RNF5: variants seen among roughly 807,000 people sequenced by gnomAD.
RNF5 encodes the protein E3 ubiquitin-protein ligase RNF5.
RNF5 carries 16 observed loss-of-function variants against 24.4 expected under a neutral mutation model. The observed-to-expected ratio is 0.66, with a 90% CI of 0.44 to 1.00. RNF5 has a LOEUF of 1.00. RNF5 is among the 50% of genes least tolerant of loss of function. The pLI is 0.00. For missense variants in RNF5, 185 were observed against 236.7 expected, an observed-to-expected ratio of 0.78 and a Z score of 1.43; for synonymous variants, 64 against 88.5, an observed-to-expected ratio of 0.72 and a Z score of 1.55.
chr6:32,178,407 A>C lies in RNF5; in HGVS notation c.-105A>C. ...ACCAATAGTGATTAGGAAACCTTGA[A>C]GCCTGCCCAACGATCGTGGGCAGGA... On this transcript the variant is annotated 5_prime_UTR_variant, in exon 1 of 6. Transcript: ENST00000375094. 1 of 920,766 alleles carries C rather than the reference A, an allele frequency of 1.1e-6. No individual in the cohort carries two copies. The highest frequency in any genetic ancestry group is 1.6e-6 in the Non-Finnish European group (1 of 628,282). 57.0% of individuals were successfully genotyped at this position (920,766 alleles called of 1,614,324 possible).
Position 32,179,686 on chromosome 6 carries a change from AGTAT to A in RNF5, c.199_202del (p.Cys67LysfsTer25). On this transcript the variant is annotated frameshift_variant, in exon 3 of 6. Coordinates refer to ENST00000375094, the MANE Select transcript of RNF5 (RefSeq NM_006913.4). LOFTEE classifies it high-confidence loss of function. This position sits in a 1 kb window ranked among gnomAD's most constrained non-coding sequence, Gnocchi z 5.4. ...CACGGCCAGAACGGCAAGAGTGTCC[AGTAT>A]GTAAAGCTGGGATCAGCAGAGAGAA... 1 of 1,614,134 alleles carries A rather than the reference AGTAT, an allele frequency of 6.2e-7. No individual in the cohort carries two copies. Among genetic ancestry groups the A allele is most frequent in the Non-Finnish European group, 8.5e-7 (1 of 1,180,016 alleles).
chr6:32,179,022 G>T lies in RNF5; in HGVS notation c.140+371G>T, dbSNP rs1158589990. ...AGGCACGCATCAGTTGAGTCGGGGAGAACCAGGAAATATGGATCACATTCA... is the reference window on the plus strand; with the variant it reads ...AGGCACGCATCAGTTGAGTCGGGGATAACCAGGAAATATGGATCACATTCA... On this transcript the variant is annotated intron_variant, in intron 1 of 5. Transcript: ENST00000375094. The surrounding 1 kb of genome is among the most constrained non-coding windows in gnomAD (Gnocchi z 5.4). 6.6e-6 allele frequency among the ~76,000 whole-genome samples: 1 copy of T among 152,140 alleles called. No homozygotes were observed. Among genetic ancestry groups the T allele is most frequent in the Non-Finnish European group, 1.5e-5 (1 of 68,014 alleles).
rs1251999377 is a variant in RNF5, at chr6:32,179,051, G to C, written c.140+400G>C. On this transcript the variant is annotated intron_variant, in intron 1 of 5. Coordinates refer to ENST00000375094, the MANE Select transcript of RNF5 (RefSeq NM_006913.4). This position sits in a 1 kb window ranked among gnomAD's most constrained non-coding sequence, Gnocchi z 5.4. ...CAGGAAATATGGATCACATTCAGAT[G>C]AGATCTGGGAGGGGGCTGGTATAAG... Among the ~76,000 whole-genome samples the C allele has an allele frequency of 1.3e-5, 2 of 152,124 alleles. No individual in the cohort carries two copies. Among genetic ancestry groups the C allele is most frequent in the South Asian group, 4.1e-4 (2 of 4,830 alleles).
chr6:32,179,435 AGGTT>A lies in RNF5; in HGVS notation c.141-104_141-101del. ...TGCAGAAAATCTGAAAAGCAACAGC[AGGTT>A]GCTTGGGAAGAGGGGTTAGATGGGA... is the stretch of plus-strand genomic sequence containing the variant. On this transcript the variant is annotated intron_variant, in intron 1 of 5. Coordinates refer to ENST00000375094, the MANE Select transcript of RNF5 (RefSeq NM_006913.4). The surrounding 1 kb of genome is among the most constrained non-coding windows in gnomAD (Gnocchi z 5.4). 1 of 1,369,946 alleles carries A rather than the reference AGGTT, an allele frequency of 7.3e-7. No individual in the cohort carries two copies. Among genetic ancestry groups the A allele is most frequent in the Non-Finnish European group, 1.0e-6 (1 of 967,314 alleles). The allele number at this position is 1,369,946 out of a possible 1,614,324, so 84.9% of individuals were successfully genotyped here.
At position 32,179,946 on chromosome 6, in the gene RNF5, C is replaced by A; in HGVS notation, c.327+15C>A. ...AGAGCAGAGGGGTGAGTCTTCTTGT[C>A]CAGTTGTGTCCCTTCCTTGACAGAT... On this transcript the variant is annotated intron_variant, in intron 4 of 5. Transcript: ENST00000375094. This position sits in a 1 kb window ranked among gnomAD's most constrained non-coding sequence, Gnocchi z 5.4. 1 of 1,614,198 alleles carries A rather than the reference C, an allele frequency of 6.2e-7. No individual in the cohort carries two copies. The highest frequency in any genetic ancestry group is 8.5e-7 in the Non-Finnish European group (1 of 1,180,016).
rs2127431207 is a variant in RNF5 at position 32,180,718 on chromosome 6, T to C, written c.*392T>C. 1 of 345,022 alleles carries C rather than the reference T, an allele frequency of 2.9e-6. No individual in the cohort carries two copies. Among genetic ancestry groups the C allele is most frequent in the East Asian group, 5.1e-5 (1 of 19,664 alleles). The allele number at this position is 345,022 out of a possible 1,614,324, so 21.4% of individuals were successfully genotyped here. ...ATTTTTCACTCCCCAGAGTCTAATA[T>C]GGATTCTGACTCTTAAGTGCTTCCG... On this transcript the variant is annotated 3_prime_UTR_variant, in exon 6 of 6. Transcript: ENST00000375094.
intron 1 of RNF5, among the ~76,000 whole-genome samples, chr6:32,178,913 T>C (rs1456676403): frequency 6.6e-6 from 1 of 151,790 alleles, no homozygotes; most frequent in Non-Finnish European, 1.5e-5. Context: ...GGCAGGACAA[T>C]GTGAGACCCG....
chr6:32,180,739 T>C lies in RNF5; in HGVS notation c.*413T>C. 1 of 336,374 alleles carries C rather than the reference T, an allele frequency of 3.0e-6. No homozygotes were observed. Among genetic ancestry groups the C allele is most frequent in the South Asian group, 6.2e-5 (1 of 16,150 alleles). The allele number at this position is 336,374 out of a possible 1,614,324, so 20.8% of individuals were successfully genotyped here. A position where few individuals can be genotyped will look rare whatever the true frequency, so the allele number is the denominator to read the frequency against. On this transcript the variant is annotated 3_prime_UTR_variant, in exon 6 of 6. Transcript: ENST00000375094. ...AATATGGATTCTGACTCTTAAGTGC[T>C]TCCGCCCCCTCACTACCTCCTTTAA...
chr6:32,178,684 G>A, intron 1 of RNF5, 33 bp downstream of exon 1: 1 of 1,603,028 alleles, frequency 6.2e-7, no homozygotes, highest in Non-Finnish European at 8.5e-7. Flanking sequence ...GGAGGTGGTG[G>A]GTCTCGCTTA....
In RNF5 at chr6:32,179,514, C is replaced by CTTTTT; in HGVS notation, c.141-18_141-14dup. On this transcript the variant is annotated intron_variant, in intron 1 of 5. Transcript: ENST00000375094. This position sits in a 1 kb window ranked among gnomAD's most constrained non-coding sequence, Gnocchi z 5.4. Reference sequence around the variant, plus strand: ...CTCTCTTTTCTGTAGCTAGTTTGACCTTTTTTTTTTTTTCTCCCCCATCCA... The same window carrying CTTTTT: ...CTCTCTTTTCTGTAGCTAGTTTGACCTTTTTTTTTTTTTTTTTTCTCCCCCATCCA... 2 of 1,395,780 alleles carry CTTTTT rather than the reference C, an allele frequency of 1.4e-6. No individual in the cohort carries two copies. Among genetic ancestry groups the CTTTTT allele is most frequent in the Admixed American group, 1.8e-5 (1 of 56,572 alleles). The allele number at this position is 1,395,780 out of a possible 1,614,324, so 86.5% of individuals were successfully genotyped here.
chr6:32,179,716 G>C lies in RNF5; in HGVS notation c.225G>C (p.Lys75Asn). 1 of 1,614,168 alleles carries C rather than the reference G, an allele frequency of 6.2e-7. No individual in the cohort carries two copies. The highest frequency in any genetic ancestry group is 1.6e-4 in the Middle Eastern group (1 of 6,062). Residue 75 changes from lysine to asparagine, a missense_variant, in exon 3 of 6, where the codon AAG (lysine) becomes AAC (asparagine). Coordinates refer to ENST00000375094, the MANE Select transcript of RNF5 (RefSeq NM_006913.4). The surrounding 1 kb of genome is among the most constrained non-coding windows in gnomAD (Gnocchi z 5.4). ...PVCKAGISRE[K>N]VVPLYGRGSQ... The stretch of plus-strand genomic sequence containing the variant: ...GTAAAGCTGGGATCAGCAGAGAGAA[G>C]GTTGTCCCGCTTTATGGGCGAGGGA...
Position 32,179,964 on chromosome 6 carries a change from T to C in RNF5, c.327+33T>C. ...TTCTTGTCCAGTTGTGTCCCTTCCT[T>C]GACAGATTTGCCGGCTTCCTGTCTG... is the stretch of plus-strand genomic sequence containing the variant. On this transcript the variant is annotated intron_variant, in intron 4 of 5. Transcript: ENST00000375094. The surrounding 1 kb of genome is among the most constrained non-coding windows in gnomAD (Gnocchi z 5.4). The C allele has an allele frequency of 6.2e-7, 1 of 1,614,180 alleles. No homozygotes were observed. Among genetic ancestry groups the C allele is most frequent in the East Asian group, 2.2e-5 (1 of 44,880 alleles).
Position 32,179,718 on chromosome 6 carries a change from T to A in RNF5, c.227T>A (p.Val76Asp). Residue 76 changes from valine (V) to aspartate (D), a missense_variant, in exon 3 of 6, where the codon GTT becomes GAT. Val to Asp is a radical substitution (Grantham distance 152, BLOSUM62 -3). Coordinates refer to ENST00000375094, the MANE Select transcript of RNF5 (RefSeq NM_006913.4). The surrounding 1 kb of genome is among the most constrained non-coding windows in gnomAD (Gnocchi z 5.4). ...VCKAGISREK[V>D]VPLYGRGSQK... ...AAAGCTGGGATCAGCAGAGAGAAGGTTGTCCCGCTTTATGGGCGAGGGAGC... is the reference window on the plus strand; with the variant it reads ...AAAGCTGGGATCAGCAGAGAGAAGGATGTCCCGCTTTATGGGCGAGGGAGC... 6.2e-7 allele frequency: 1 copy of A among 1,614,072 alleles called. No homozygotes were observed. The highest frequency in any genetic ancestry group is 8.5e-7 in the Non-Finnish European group (1 of 1,179,984).
Position 32,180,073 on chromosome 6 carries a change from T to G in RNF5, c.392T>G (p.Phe131Cys). The change falls in exon 5 of 6, where the codon TTT (phenylalanine) becomes TGT (cysteine). Residue 131 changes from phenylalanine to cysteine, a missense_variant. Coordinates refer to ENST00000375094, the MANE Select transcript of RNF5 (RefSeq NM_006913.4). ...HFSFGVGAFP[F>C]GFFTTVFNAH... The stretch of plus-strand genomic sequence containing the variant: ...TCATTTGGTGTTGGTGCTTTTCCCT[T>G]TGGCTTTTTCACCACCGTCTTCAAT... 6.2e-7 allele frequency: 1 copy of G among 1,614,170 alleles called. No homozygotes were observed. The highest frequency in any genetic ancestry group is 8.5e-7 in the Non-Finnish European group (1 of 1,180,020).
At position 32,180,325 on chromosome 6, in the gene RNF5, G is replaced by A. The variant is rs1189541865; in HGVS notation, c.542G>A (p.Ter181=). 1 of 1,604,282 alleles carries A rather than the reference G, an allele frequency of 6.2e-7. No individual in the cohort carries two copies. The highest frequency in any genetic ancestry group is 8.5e-7 in the Non-Finnish European group (1 of 1,179,600). ...TTCTTTTTTTGGCTGCTCAGTATTT[G>A]AGCTATGTCTGCTTCCTGCCCACCT... ...IFFFFWLLSI[*] Residue 181 remains the stop codon, a stop_retained_variant, in exon 6 of 6, where the codon TGA becomes TAA. Coordinates refer to ENST00000375094, the MANE Select transcript of RNF5 (RefSeq NM_006913.4).
chr6:32,178,408 G>T lies in RNF5; in HGVS notation c.-104G>T. The T allele has an allele frequency of 1.0e-6, 1 of 962,208 alleles. No homozygotes were observed. Among genetic ancestry groups the T allele is most frequent in the Non-Finnish European group, 1.5e-6 (1 of 664,236 alleles). The allele number at this position is 962,208 out of a possible 1,614,324, so 59.6% of individuals were successfully genotyped here. A position where few individuals can be genotyped will look rare whatever the true frequency, so the allele number is the denominator to read the frequency against. On this transcript the variant is annotated 5_prime_UTR_variant, in exon 1 of 6. Transcript: ENST00000375094. ...CCAATAGTGATTAGGAAACCTTGAAGCCTGCCCAACGATCGTGGGCAGGAG... is the reference window on the plus strand; with the variant it reads ...CCAATAGTGATTAGGAAACCTTGAATCCTGCCCAACGATCGTGGGCAGGAG...
In RNF5 at chr6:32,179,635, C is replaced by G; in HGVS notation, c.160-16C>G. 6.2e-7 allele frequency: 1 copy of G among 1,611,412 alleles called. No individual in the cohort carries two copies. The highest frequency in any genetic ancestry group is 8.5e-7 in the Non-Finnish European group (1 of 1,177,678). ...AGACCCTCTTGTATACTGGAAACCA[C>G]CTTTTTTCTCCCCAGTGGCTGGAGA... On this transcript the variant is annotated splice_polypyrimidine_tract_variant and intron_variant, in intron 2 of 5. Coordinates refer to ENST00000375094, the MANE Select transcript of RNF5 (RefSeq NM_006913.4). This position sits in a 1 kb window ranked among gnomAD's most constrained non-coding sequence, Gnocchi z 5.4.
rs564986162 is a variant in RNF5 at position 32,179,930 on chromosome 6, G to A, written c.326G>A (p.Gly109Glu). ...CAGAGACCAGCTCCGGAGAGCAGAG[G>A]GGTGAGTCTTCTTGTCCAGTTGTGT... ...QGQRPAPESR[G>E]GFQPFGDTGG... Residue 109 changes from glycine to glutamate, a missense_variant and splice_region_variant, in exon 4 of 6, where the codon GGG (glycine) becomes GAG (glutamate). Coordinates refer to ENST00000375094, the MANE Select transcript of RNF5 (RefSeq NM_006913.4). The surrounding 1 kb of genome is among the most constrained non-coding windows in gnomAD (Gnocchi z 5.4). 1 of 1,614,200 alleles carries A rather than the reference G, an allele frequency of 6.2e-7. No individual in the cohort carries two copies. Among genetic ancestry groups the A allele is most frequent in the South Asian group, 1.1e-5 (1 of 91,084 alleles).
chr6:32,179,826 G>C lies in RNF5; in HGVS notation c.273-51G>C. 1 of 1,613,662 alleles carries C rather than the reference G, an allele frequency of 6.2e-7. No homozygotes were observed. The highest frequency in any genetic ancestry group is 8.5e-7 in the Non-Finnish European group (1 of 1,179,588). On this transcript the variant is annotated intron_variant, in intron 3 of 5. Transcript: ENST00000375094. This position sits in a 1 kb window ranked among gnomAD's most constrained non-coding sequence, Gnocchi z 5.4. ...GCTTCTGCCCTTGGAAAACGGTGTG[G>C]AAGATGGGAGGAGAAAAATCCCTGT...
Sources: allele counts gnomAD v4.1 joint callset (sites outside exome capture counted in the v4.1 genomes callset), GRCh38; gene constraint gnomAD v4.1.1; non-coding constraint Gnocchi (gnomAD v3.1); transcripts MANE v1.5; gene names NCBI Gene and HGNC (gene_info 2026-07-23, HGNC 2026-07-21).